The following AGFG1 variants were observed in gnomAD, a reference collection of about 807,000 sequenced individuals.
The protein encoded by AGFG1 is arf-GAP domain and FG repeat-containing protein 1.
AGFG1 carries 10 observed loss-of-function variants against 60.6 expected under a neutral mutation model. The ratio of observed to expected loss-of-function variants is 0.16; its 90% CI spans 0.10 to 0.28. The LOEUF (loss-of-function observed/expected upper bound fraction) is 0.28. Among genes scored for constraint, AGFG1 ranks in the 10% least tolerant of loss-of-function variants. The pLI, the probability that AGFG1 is intolerant of heterozygous loss-of-function variation, is 1.00. For missense variants in AGFG1, 537 were observed against 676.5 expected (o/e 0.79, Z 2.29); for synonymous variants, 247 against 242.9 (o/e 1.02, Z -0.16).
At chr2:227,476,362 A>G (rs138872575) in intron 1 of AGFG1, among the ~76,000 whole-genome samples, 1,833 of 152,340 alleles carry the variant, frequency 0.012, 27 homozygotes, top group African/African-American at 0.023. Flanking sequence ...TTTAAAGACT[A>G]GTTTTAGACT....
chr2:227,505,337 A>G (rs1691279476), intron 2 of AGFG1, among the ~76,000 whole-genome samples: 1 of 152,164 alleles, frequency 6.6e-6, no homozygotes, highest in South Asian at 2.1e-4. Flanking sequence ...GTTGATGATG[A>G]TCTTGAATCT....
At chr2:227,483,529 C>T (rs1452215882) in intron 1 of AGFG1, among the ~76,000 whole-genome samples, 1 of 152,134 alleles carries the variant, frequency 6.6e-6, no homozygotes, top group East Asian at 1.9e-4. Context: ...ATCTGTTCTC[C>T]AACACTGCAG....
chr2:227,542,292 T>C (rs1221671213), intron 10 of AGFG1, among the ~76,000 whole-genome samples: 1 of 152,338 alleles, frequency 6.6e-6, no homozygotes, highest in Non-Finnish European at 1.5e-5. Context: ...ATATTGGCTG[T>C]GGGTTCGTCA....
At chr2:227,529,179 G>A (rs1692088500) in intron 5 of AGFG1, among the ~76,000 whole-genome samples, 2 of 151,892 alleles carry the variant, frequency 1.3e-5, no homozygotes, top group South Asian at 4.2e-4. Context: ...ATCTTTTGAC[G>A]TTTTGCCTTG....
intron 1 of AGFG1, among the ~76,000 whole-genome samples, chr2:227,473,053 G>GC (rs1690159440): frequency 6.6e-6 from 1 of 150,404 alleles, no homozygotes; most frequent in South Asian, 2.1e-4. Context: ...GCGGTGCGGA[G>GC]CGAGGCACCT....
chr2:227,497,012 G>A (rs1302065249), intron 2 of AGFG1, among the ~76,000 whole-genome samples: 1 of 152,152 alleles, frequency 6.6e-6, no homozygotes, highest in Non-Finnish European at 1.5e-5. Context: ...GCAGAGTTAA[G>A]TTATATACTC....
chr2:227,552,854 A>G (rs1431204045), intron 11 of AGFG1, among the ~76,000 whole-genome samples: 1 of 151,704 alleles, frequency 6.6e-6, no homozygotes, highest in East Asian at 1.9e-4. Flanking sequence ...ATACAAAATT[A>G]GCCAGGCGTG....
chr2:227,528,932 T>C (rs1245406078), intron 5 of AGFG1, among the ~76,000 whole-genome samples: 1 of 152,252 alleles, frequency 6.6e-6, no homozygotes, highest in Non-Finnish European at 1.5e-5. Context: ...TTAACTGTTT[T>C]GTTCCTTGTC....
chr2:227,483,301 TTACTC>T (rs1237447602), intron 1 of AGFG1, among the ~76,000 whole-genome samples: 1 of 152,204 alleles, frequency 6.6e-6, no homozygotes, highest in Non-Finnish European at 1.5e-5. Flanking sequence ...ATAAATTTAA[TTACTC>T]TAAAAATTGT....
chr2:227,534,944 C>T lies in AGFG1; in HGVS notation c.1124C>T (p.Ala375Val). 6.2e-7 allele frequency: 1 copy of T among 1,613,136 alleles called. No individual in the cohort carries two copies. Among genetic ancestry groups the T allele is most frequent in the Non-Finnish European group, 8.5e-7 (1 of 1,179,156 alleles). ...TCAAGTGCATCTTCAGACAAGTATG[C>T]AGCTCTGGCAGAACTAGACAGCGTT... The part of the protein sequence containing the change: ...SQSSASSDKY[A>V]ALAELDSVFS... The change falls in exon 8 of 13, where the codon GCA (alanine) becomes GTA (valine). Residue 375 changes from alanine to valine, a missense_variant. Physicochemically the swap from Ala to Val is moderately conservative, Grantham distance 64. This residue lies in a region of AGFG1 where 287 missense variants were observed against 343.6 expected (regional missense o/e 0.84). Coordinates refer to ENST00000310078, the MANE Select transcript of AGFG1 (RefSeq NM_004504.5).
At chr2:227,548,488 A>G (rs1184325377) in intron 10 of AGFG1, among the ~76,000 whole-genome samples, 2 of 152,226 alleles carry the variant, frequency 1.3e-5, no homozygotes, top group Admixed American at 6.5e-5. Context: ...AGTTTTTGCC[A>G]GTGCGTTTTG....
Position 227,523,837 on chromosome 2 carries a change from C to T in AGFG1, c.452C>T (p.Thr151Ile). Reference protein sequence around the residue: ...ASISGSSASSTSSTPEVKPLK... With the variant: ...ASISGSSASSISSTPEVKPLK... ...ATTTCAGGGTCCTCTGCCAGTAGCA[C>T]AAGCAGCACACCTGAGGTCAAACCA... Residue 151 changes from threonine to isoleucine, a missense_variant, in exon 4 of 13, where the codon ACA becomes ATA. Thr to Ile is a moderately conservative substitution (Grantham distance 89). Transcript: ENST00000310078. 1 of 1,613,930 alleles carries T rather than the reference C, an allele frequency of 6.2e-7. No homozygotes were observed. Among genetic ancestry groups the T allele is most frequent in the Non-Finnish European group, 8.5e-7 (1 of 1,179,968 alleles).
chr2:227,532,447 A>G (rs2106219487), intron 6 of AGFG1, among the ~76,000 whole-genome samples: 2 of 152,270 alleles, frequency 1.3e-5, no homozygotes, highest in South Asian at 4.1e-4. Context: ...AAAGTTTAGT[A>G]TGTACTTTGT....
At chr2:227,535,456 C>A (rs1351456443) in intron 8 of AGFG1, among the ~76,000 whole-genome samples, 2 of 152,192 alleles carry the variant, frequency 1.3e-5, no homozygotes, top group African/African-American at 4.8e-5. Flanking sequence ...AGCCCAAAAT[C>A]AATTCTGTAT....
At chr2:227,516,787 A>T (rs1184781608) in intron 2 of AGFG1, among the ~76,000 whole-genome samples, 1 of 152,082 alleles carries the variant, frequency 6.6e-6, no homozygotes, top group Non-Finnish European at 1.5e-5. Context: ...TTTAGTTTTA[A>T]AAGTGGTATG....
chr2:227,509,425 T>C (rs557569891), intron 2 of AGFG1, among the ~76,000 whole-genome samples: 3 of 152,272 alleles, frequency 2.0e-5, no homozygotes, highest in African/African-American at 7.2e-5. Context: ...CTTTTCTTTT[T>C]GCTATAAAGG....
At chr2:227,478,800 T>C (rs1690367086) in intron 1 of AGFG1, among the ~76,000 whole-genome samples, 1 of 152,238 alleles carries the variant, frequency 6.6e-6, no homozygotes, top group African/African-American at 2.4e-5. Context: ...ACAGTTTGAA[T>C]GCTGAATTCT....
chr2:227,498,388 A>T (rs1691047093), intron 2 of AGFG1, among the ~76,000 whole-genome samples: 1 of 152,206 alleles, frequency 6.6e-6, no homozygotes, highest in Non-Finnish European at 1.5e-5. Context: ...AAAATTAATT[A>T]TTTGAGGGAA....
intron 2 of AGFG1, chr2:227,510,722 T>C (rs1691471967): frequency 6.6e-6 from 1 of 152,172 alleles, no homozygotes; most frequent in Non-Finnish European, 1.5e-5. Context: ...TTTCATCCTA[T>C]CTAGAACACA....
Sources: gnomAD v4.1 joint callset for allele counts (sites outside exome capture counted in the v4.1 genomes callset) on GRCh38, gnomAD v4.1.1 for gene constraint, gnomAD v4.1.1 regional missense constraint, MANE v1.5 for transcripts, NCBI Gene and HGNC (gene_info 2026-07-23, HGNC 2026-07-21) for gene names.